Variants in MYZAP observed in about 807,000 individuals in gnomAD.
MYZAP encodes the protein myocardial zonula adherens protein.
MYZAP carries 66 observed loss-of-function variants against 69.4 expected under a neutral mutation model. The ratio of observed to expected loss-of-function variants is 0.95; its 90% CI spans 0.78 to 1.17. The LOEUF (loss-of-function observed/expected upper bound fraction) is 1.17, where lower values mean the gene tolerates loss of function less well. Among genes scored for constraint, MYZAP ranks in the 50% most tolerant of loss-of-function variants. The probability of loss-of-function intolerance (pLI) is 0.00; values close to 1 mark genes in which losing one functional copy is unlikely to be tolerated. For synonymous variants in MYZAP, 256 were observed against 205.9 expected (o/e 1.24, Z -2.09); for missense variants, 611 against 556.2 (o/e 1.10, Z -0.99).
chr15:57,625,922 C>A, intron 5 of MYZAP, 30 bp downstream of exon 5: 1 of 1,595,398 alleles, frequency 6.3e-7, no homozygotes. Flanking sequence ...TATGACAGGG[C>A]AACCCAGCTT....
chr15:57,639,247 A>G (rs756842545), intron 9 of MYZAP, among the ~76,000 whole-genome samples, 193 bp from the exon 10 acceptor site: 12 of 150,662 alleles, frequency 8.0e-5, no homozygotes, highest in Non-Finnish European at 1.8e-4. Context: ...GGGTCTCAGC[A>G]TATTGCCCAG....
At chr15:57,664,484 C>T (rs1205336583) in intron 11 of MYZAP, among the ~76,000 whole-genome samples, 10 of 152,202 alleles carry the variant, frequency 6.6e-5, no homozygotes, top group Admixed American at 3.3e-4. Flanking sequence ...GACGCTGTTC[C>T]TTGCTAATTG....
chr15:57,632,330 T>A, intron 6 of MYZAP, 104 bp from the exon 7 acceptor site: 1 of 1,546,822 alleles, frequency 6.5e-7, no homozygotes, highest in South Asian at 1.2e-5. Flanking sequence ...ACCCAGTGGA[T>A]GGGCTCACTA....
At chr15:57,650,488 A>C (rs982379488) in intron 10 of MYZAP, among the ~76,000 whole-genome samples, 1 of 152,218 alleles carries the variant, frequency 6.6e-6, no homozygotes, top group Non-Finnish European at 1.5e-5. Context: ...TGGGAAACTT[A>C]GTGGTTAAGT....
Position 57,680,672 on chromosome 15 carries a change from C to G in MYZAP, c.1305-3730C>G, listed in dbSNP as rs1184099043. 1.6e-4 allele frequency: 25 copies of G among 152,218 alleles called. 1 individual carries two copies. The highest frequency in any genetic ancestry group is 5.8e-4 in the African/African-American group (24 of 41,468). 9.4% of individuals were successfully genotyped at this position (152,218 alleles called of 1,614,324 possible). The stretch of plus-strand genomic sequence containing the variant: ...AAAGGAAAAGTGACTTTTCTTTCTT[C>G]TGCCCTGTAGTGAAACTTGGTTTCC... On this transcript the variant is annotated intron_variant, in intron 12 of 12. Transcript: ENST00000267853.
At chr15:57,632,223 A>C (rs1256477084) in intron 6 of MYZAP, among the ~76,000 whole-genome samples, 2 of 152,170 alleles carry the variant, frequency 1.3e-5, no homozygotes, top group Non-Finnish European at 2.9e-5. Context: ...AATGCCCCCA[A>C]AATTCGTGTG....
At chr15:57,596,899 G>C (rs550764120) in intron 1 of MYZAP, among the ~76,000 whole-genome samples, 1 of 152,146 alleles carries the variant, frequency 6.6e-6, no homozygotes, top group Non-Finnish European at 1.5e-5. Context: ...CTAGAGGCCT[G>C]TGCATGCCAC....
At chr15:57,595,256 C>T (rs1400412225) in intron 1 of MYZAP, among the ~76,000 whole-genome samples, 1 of 152,104 alleles carries the variant, frequency 6.6e-6, no homozygotes, top group African/African-American at 2.4e-5. Flanking sequence ...CTCTGAAAGG[C>T]ATTTATGGAT....
intron 5 of MYZAP, among the ~76,000 whole-genome samples, chr15:57,628,832 C>T (rs555400390): frequency 1.2e-4 from 19 of 152,214 alleles, no homozygotes; most frequent in African/African-American, 4.3e-4. Flanking sequence ...CGCCTGTAAT[C>T]CCAGCACTTT....
intron 1 of MYZAP, chr15:57,599,771 A>G: frequency 8.5e-7 from 1 of 1,170,308 alleles, no homozygotes; most frequent in Non-Finnish European, 1.1e-6. Context: ...AGGTGAATGA[A>G]TGGAGGGAGG....
intron 12 of MYZAP, among the ~76,000 whole-genome samples, chr15:57,675,442 G>T (rs1021613296): frequency 2.6e-5 from 4 of 152,168 alleles, no homozygotes; most frequent in African/African-American, 9.6e-5. Flanking sequence ...ACAGTCTGGA[G>T]GGAGAGACAG....
At position 57,654,822 on chromosome 15, in the gene MYZAP, A is replaced by G. The variant is rs964465084; in HGVS notation, c.1120-6628A>G. Among the ~76,000 whole-genome samples the G allele has an allele frequency of 4.6e-5, 7 of 152,160 alleles. No individual in the cohort carries two copies. In the East Asian group the frequency reaches 7.7e-4, roughly 17 times the overall value. On this transcript the variant is annotated intron_variant, in intron 10 of 12. Transcript: ENST00000267853. ...TAACAGAACCATACTACATTTTTGT[A>G]CAATTTCACTTTGGTCTGGTTGACG... is the stretch of plus-strand genomic sequence containing the variant.
At chr15:57,609,289 G>A (rs1340542945) in intron 2 of MYZAP, among the ~76,000 whole-genome samples, 1 of 152,158 alleles carries the variant, frequency 6.6e-6, no homozygotes, top group African/African-American at 2.4e-5. Flanking sequence ...AAAACGAGAT[G>A]GCTTCAATAA....
intron 2 of MYZAP, among the ~76,000 whole-genome samples, chr15:57,617,531 G>A (rs972676597): frequency 3.9e-5 from 6 of 152,110 alleles, no homozygotes; most frequent in African/African-American, 1.4e-4. Context: ...GTCACAACAG[G>A]TTATGTACTA....
At chr15:57,631,304 G>A (rs2036490912) in intron 6 of MYZAP, among the ~76,000 whole-genome samples, 1 of 152,094 alleles carries the variant, frequency 6.6e-6, no homozygotes, top group Admixed American at 6.6e-5. Flanking sequence ...CAGGCATCTG[G>A]GGACATCATT....
At chr15:57,671,994 A>G (rs1449099721) in intron 11 of MYZAP, among the ~76,000 whole-genome samples, 2 of 152,172 alleles carry the variant, frequency 1.3e-5, no homozygotes, top group Non-Finnish European at 2.9e-5. Flanking sequence ...TTTAAAAGGC[A>G]ATGAATTTAG....
intron 1 of MYZAP, chr15:57,599,623 T>C (rs2034286116): frequency 7.8e-7 from 1 of 1,289,062 alleles, no homozygotes; most frequent in African/African-American, 1.5e-5. Flanking sequence ...TTTCAGGCAC[T>C]GCCAAGCCTG....
rs182971331 is a variant in MYZAP at position 57,604,480 on chromosome 15, C to T, written c.162+125C>T. The T allele has an allele frequency of 4.1e-6, 4 of 971,276 alleles. No homozygotes were observed. In the African/African-American group the frequency reaches 4.9e-5, roughly 12 times the overall value. The allele number at this position is 971,276 out of a possible 1,614,324, so 60.2% of individuals were successfully genotyped here. ...CTGCACCTCTGTTGAGGAGAAGGCC[C>T]TCTCAACCTTCCCACCTCATCTCCC... On this transcript the variant is annotated intron_variant, in intron 2 of 12. Transcript: ENST00000267853.
chr15:57,609,572 G>A (rs1874392541), intron 2 of MYZAP, among the ~76,000 whole-genome samples: 1 of 152,112 alleles, frequency 6.6e-6, no homozygotes, highest in Non-Finnish European at 1.5e-5. Context: ...ATAATTCCTA[G>A]GTACTGGAGG....
Sources: gnomAD v4.1 joint callset for allele counts (sites outside exome capture counted in the v4.1 genomes callset) on GRCh38, gnomAD v4.1.1 for gene constraint, MANE v1.5 for transcripts, NCBI Gene and HGNC (gene_info 2026-07-23, HGNC 2026-07-21) for gene names.